The following CCDC146 variants were observed in gnomAD, a reference collection of about 807,000 sequenced individuals.
CCDC146 encodes coiled-coil domain-containing protein 146.
CCDC146 carries 92 observed loss-of-function variants against 119.3 expected under a neutral mutation model. The ratio of observed to expected loss-of-function variants is 0.77; its 90% confidence interval spans 0.65 to 0.92. CCDC146 has a LOEUF of 0.92. Among genes scored for constraint, CCDC146 ranks in the 40% least tolerant of loss-of-function variants. The probability of loss-of-function intolerance (pLI) is 0.00; values close to 1 mark genes in which losing one functional copy is unlikely to be tolerated. For missense variants in CCDC146, 1,000 were observed against 1,103.0 expected (o/e 0.91, Z 1.32); for synonymous variants, 372 against 371.8 (o/e 1.00, Z -0.01).
chr7:77,271,521 TA>T (rs1793517026), intron 9 of CCDC146, among the ~76,000 whole-genome samples: 1 of 18,738 alleles, frequency 5.3e-5, no homozygotes, highest in African/African-American at 1.9e-4. Flanking sequence ...GAGATATATA[TA>T]TATATATATA....
At chr7:77,287,987 T>A (rs1175478636) in intron 17 of CCDC146, among the ~76,000 whole-genome samples, 3 of 152,098 alleles carry the variant, frequency 2.0e-5, no homozygotes, top group African/African-American at 7.2e-5. Flanking sequence ...AAGGGACTGA[T>A]AAAGAGAAAT....
chr7:77,172,370 C>T (rs570299201), intron 2 of CCDC146, among the ~76,000 whole-genome samples: 2 of 152,294 alleles, frequency 1.3e-5, no homozygotes, highest in South Asian at 4.1e-4. Flanking sequence ...ACTGTATCTG[C>T]AAAAATGGCA....
chr7:77,181,572 C>T (rs1008285424), intron 2 of CCDC146, among the ~76,000 whole-genome samples: 1 of 152,182 alleles, frequency 6.6e-6, no homozygotes, highest in Non-Finnish European at 1.5e-5. Flanking sequence ...AGTACAAAGA[C>T]CCACTTGTAA....
chr7:77,213,373 A>G (rs1048135012), intron 2 of CCDC146, among the ~76,000 whole-genome samples: 5 of 152,132 alleles, frequency 3.3e-5, no homozygotes, highest in Non-Finnish European at 7.4e-5. Context: ...GATTACAGAC[A>G]TGAGCCACCT....
intron 2 of CCDC146, among the ~76,000 whole-genome samples, chr7:77,186,846 G>C (rs1440128691): frequency 6.6e-6 from 1 of 152,176 alleles, no homozygotes; most frequent in Non-Finnish European, 1.5e-5. Context: ...AATTGGAAGT[G>C]AGGTAACAGA....
rs573408662 is a variant in CCDC146, at chr7:77,152,042, C to T, written c.-11-15616C>T. Among the ~76,000 whole-genome samples the T allele has an allele frequency of 1.3e-4, 20 of 152,260 alleles. No homozygotes were observed. In the South Asian group the frequency reaches 4.1e-3, roughly 32 times the overall value. ...AATGAAGGTGGTGATGGTTCTGGAACCTTGCCTCTTTTTCCAAGTACCACC... is the reference window on the plus strand; with the variant it reads ...AATGAAGGTGGTGATGGTTCTGGAATCTTGCCTCTTTTTCCAAGTACCACC... On this transcript the variant is annotated intron_variant, in intron 1 of 18. Coordinates refer to ENST00000285871, the MANE Select transcript of CCDC146 (RefSeq NM_020879.3).
At chr7:77,184,732 T>C (rs911077739) in intron 2 of CCDC146, among the ~76,000 whole-genome samples, 2 of 152,192 alleles carry the variant, frequency 1.3e-5, no homozygotes, top group Non-Finnish European at 1.5e-5. Flanking sequence ...GTCATGGTTG[T>C]TGTAAATTTT....
At position 77,262,214 on chromosome 7, in the gene CCDC146, T is replaced by G. The variant is rs950602458; in HGVS notation, c.1080T>G (p.Asp360Glu). The change falls in exon 9 of 19, where the codon GAT (aspartate) becomes GAG (glutamate). Residue 360 changes from aspartate to glutamate, a missense_variant. Physicochemically the swap from Asp to Glu is conservative, Grantham distance 45. This residue lies in a region of CCDC146 where 985 missense variants were observed against 1,045.3 expected (regional missense o/e 0.94). Transcript: ENST00000285871. ...LSRKQREKER[D>E]FRNLRKMELL... ...GTAAGCAAAGAGAGAAAGAACGAGATTTTCGAAATTTAAGAAAGATGGAAC... is the reference window on the plus strand; with the variant it reads ...GTAAGCAAAGAGAGAAAGAACGAGAGTTTCGAAATTTAAGAAAGATGGAAC... 1.9e-6 allele frequency: 3 copies of G among 1,613,962 alleles called. No homozygotes were observed. Among genetic ancestry groups the G allele is most frequent in the Non-Finnish European group, 2.5e-6 (3 of 1,179,976 alleles).
At position 77,286,816 on chromosome 7, in the gene CCDC146, A is replaced by T; in HGVS notation, c.2167A>T (p.Arg723Ter). The T allele has an allele frequency of 3.1e-6, 5 of 1,613,928 alleles. No homozygotes were observed. The change falls in exon 16 of 19, where the codon AGA becomes TGA. Residue 723 changes from arginine to a stop codon, truncating the protein, a stop_gained. Coordinates refer to ENST00000285871, the MANE Select transcript of CCDC146 (RefSeq NM_020879.3). LOFTEE classifies it high-confidence loss of function. ...TTAATAGTTTTCACAGTGTACAGACAGAATTAAAGACCTGGAGAAACAGTT... is the reference window on the plus strand; with the variant it reads ...TTAATAGTTTTCACAGTGTACAGACTGAATTAAAGACCTGGAGAAACAGTT... ...LQIQFSQCTD[R>*]IKDLEKQFVK...
At chr7:77,128,635 G>A (rs1214353268) in intron 1 of CCDC146, among the ~76,000 whole-genome samples, 3 of 151,424 alleles carry the variant, frequency 2.0e-5, no homozygotes, top group African/African-American at 4.9e-5. Context: ...GGGAAATCCC[G>A]ATTTTTTTCT....
At chr7:77,250,926 T>G (rs1304432024) in intron 4 of CCDC146, among the ~76,000 whole-genome samples, 2 of 150,772 alleles carry the variant, frequency 1.3e-5, no homozygotes, top group Admixed American at 1.3e-4. Flanking sequence ...AGTAAGCCTA[T>G]TAGAGGCATT....
rs185640065 is a variant in CCDC146 at position 77,279,212 on chromosome 7, C to G, written c.1694+111C>G. On this transcript the variant is annotated intron_variant, in intron 13 of 18. Transcript: ENST00000285871. ...GAAAGAGGCAGAGGCTGCAATGAGC[C>G]AAGATGGTGCCACTGCCCTCCAGCC... 689 of 1,019,728 alleles carry G rather than the reference C, an allele frequency of 6.8e-4. 3 individuals carry two copies. The African/African-American group carries it at 0.01, about 15-fold the overall frequency. The allele number at this position is 1,019,728 out of a possible 1,614,324, so 63.2% of individuals were successfully genotyped here. A position where few individuals can be genotyped will look rare whatever the true frequency, so the allele number is the denominator to read the frequency against.
intron 9 of CCDC146, among the ~76,000 whole-genome samples, chr7:77,264,439 A>G (rs1458213666): frequency 6.6e-6 from 1 of 152,102 alleles, no homozygotes; most frequent in Non-Finnish European, 1.5e-5. Flanking sequence ...TTGTATTTTT[A>G]GTAGAGACAG....
intron 2 of CCDC146, among the ~76,000 whole-genome samples, chr7:77,215,761 C>T (rs1236636285): frequency 6.6e-6 from 1 of 151,804 alleles, no homozygotes; most frequent in Non-Finnish European, 1.5e-5. Flanking sequence ...TTCAGAATAA[C>T]ACTACTACCA....
At chr7:77,252,621 T>C (rs1793097179) in intron 4 of CCDC146, among the ~76,000 whole-genome samples, 1 of 152,078 alleles carries the variant, frequency 6.6e-6, no homozygotes, top group Non-Finnish European at 1.5e-5. Context: ...AATTTGGAGC[T>C]CCAGGGAAAT....
In CCDC146 at chr7:77,256,317, T is replaced by C. The variant is rs1462113655; in HGVS notation, c.508-16T>C. 12 of 1,575,204 alleles carry C rather than the reference T, an allele frequency of 7.6e-6. No individual in the cohort carries two copies. The highest frequency in any genetic ancestry group is 9.4e-6 in the Non-Finnish European group (11 of 1,164,414). On this transcript the variant is annotated splice_polypyrimidine_tract_variant and intron_variant, in intron 5 of 18. Transcript: ENST00000285871. ...GCTCAGACTATATAACCTAATCATC[T>C]TCACGACTTTTAAAGGAAATGGAGA...
intron 4 of CCDC146, among the ~76,000 whole-genome samples, chr7:77,252,970 A>C (rs1469546518): frequency 6.6e-6 from 1 of 152,230 alleles, no homozygotes; most frequent in Non-Finnish European, 1.5e-5. Flanking sequence ...ACTGTGAAAT[A>C]TAGTCCCCCT....
In CCDC146 at chr7:77,294,774, C is replaced by T. The variant is rs768936867; in HGVS notation, c.2776C>T (p.Pro926Ser). The T allele has an allele frequency of 7.4e-6, 12 of 1,614,056 alleles. No individual in the cohort carries two copies. Among genetic ancestry groups the T allele is most frequent in the East Asian group, 4.5e-5 (2 of 44,906 alleles). The change falls in exon 19 of 19, where the codon CCT (proline) becomes TCT (serine). Residue 926 changes from proline (P) to serine (S), a missense_variant. Pro to Ser is a moderately conservative substitution (Grantham distance 74). Transcript: ENST00000285871. ...EADATLPLPKPYGALAPFKPS... is the reference protein window; with the variant it reads ...EADATLPLPKSYGALAPFKPS... ...AGATGCCACTCTTCCTTTGCCAAAA[C>T]CTTATGGTGCTTTGGCTCCTTTTAA...
chr7:77,236,098 A>AAT (rs1792731787), intron 2 of CCDC146, among the ~76,000 whole-genome samples: 1 of 59,518 alleles, frequency 1.7e-5, no homozygotes, highest in Non-Finnish European at 6.5e-5. Flanking sequence ...AATAAATGTA[A>AAT]GAACAACAGG....
Sources: allele counts gnomAD v4.1 joint callset (sites outside exome capture counted in the v4.1 genomes callset), GRCh38; gene constraint gnomAD v4.1.1; regional missense constraint gnomAD v4.1.1; transcripts MANE v1.5; gene names NCBI Gene and HGNC (gene_info 2026-07-23, HGNC 2026-07-21).